SUMF1: variants seen among roughly 807,000 people sequenced by gnomAD.
The protein encoded by SUMF1 is formylglycine-generating enzyme.
A neutral mutation model predicts 47.6 loss-of-function variants in SUMF1; 48 were observed. The ratio of observed to expected loss-of-function variants is 1.01; its 90% confidence interval spans 0.80 to 1.28. SUMF1 has a LOEUF of 1.28. SUMF1 is among the 50% of genes most tolerant of loss of function. The pLI is 0.00. For missense variants in SUMF1, 571 were observed against 485.4 expected, an observed-to-expected ratio of 1.18 and a Z score of -1.66; for synonymous variants, 230 against 192.1, an observed-to-expected ratio of 1.20 and a Z score of -1.63.
At chr3:4,210,635 T>A (rs1695759397) in intron 8 of SUMF1, among the ~76,000 whole-genome samples, 1 of 152,088 alleles carries the variant, frequency 6.6e-6, no homozygotes, top group Non-Finnish European at 1.5e-5. Flanking sequence ...ACTTTTAAGT[T>A]CAGGGGTATA....
chr3:4,137,478 G>A (rs560519367), intron 8 of SUMF1, among the ~76,000 whole-genome samples: 2 of 151,704 alleles, frequency 1.3e-5, no homozygotes, highest in Admixed American at 6.6e-5. Context: ...GTTGTGGGGT[G>A]GGGGGAAGGG....
chr3:4,462,377 CCGA>C (rs1246095442), intron 1 of SUMF1, among the ~76,000 whole-genome samples: 6 of 152,166 alleles, frequency 3.9e-5, no homozygotes, highest in African/African-American at 1.4e-4. Context: ...GACAATGGAG[CCGA>C]CTATGCAGAA....
chr3:4,396,467 C>T (rs1006655322), intron 7 of SUMF1, among the ~76,000 whole-genome samples: 2 of 152,162 alleles, frequency 1.3e-5, no homozygotes, highest in South Asian at 2.1e-4. Flanking sequence ...CGGGACCTAC[C>T]GCACAGGCCA....
chr3:4,244,824 T>A (rs980566606), intron 8 of SUMF1, among the ~76,000 whole-genome samples: 2 of 152,154 alleles, frequency 1.3e-5, no homozygotes, highest in Non-Finnish European at 2.9e-5. Context: ...TTCTCCTGGA[T>A]AATATCCTGA....
At chr3:4,313,880 T>C (rs763277172) in intron 8 of SUMF1, 81 of 1,519,286 alleles carry the variant, frequency 5.3e-5, no homozygotes, top group Non-Finnish European at 6.4e-5. Flanking sequence ...AGACTGCAAG[T>C]TGTCCATCAG....
At chr3:4,313,675 A>T (rs1422713665) in intron 8 of SUMF1, 1 of 1,614,002 alleles carries the variant, frequency 6.2e-7, no homozygotes, top group Non-Finnish European at 8.5e-7. Context: ...AGAAAAGTCG[A>T]ACATCAGTTG....
chr3:4,272,913 A>T (rs1020296198), intron 8 of SUMF1, among the ~76,000 whole-genome samples: 2 of 152,032 alleles, frequency 1.3e-5, no homozygotes, highest in Non-Finnish European at 2.9e-5. Context: ...ATCTCTACAG[A>T]AAAGTTTAAA....
Position 4,259,900 on chromosome 3 carries a change from A to G in SUMF1, c.1014+116430T>C, listed in dbSNP as rs77227554. ...ATTTGTTTAAATTTTTTTTTAACCA[A>G]CGGAGATAATATTGACTTCCTCAAC... On this transcript the variant is annotated intron_variant and NMD_transcript_variant, in intron 8 of 12. Transcript: ENST00000448413. Among the ~76,000 whole-genome samples the G allele has an allele frequency of 2.1e-3, 320 of 152,234 alleles. 1 individual carries two copies. In the East Asian group the frequency reaches 0.023, roughly 11 times the overall value.
intron 9 of SUMF1, among the ~76,000 whole-genome samples, chr3:4,065,227 T>C (rs1446350731): frequency 7.3e-6 from 1 of 136,124 alleles, no homozygotes; most frequent in East Asian, 1.9e-4. Context: ...GCTTTTTTGC[T>C]TTTTTTTTCT....
intron 8 of SUMF1, among the ~76,000 whole-genome samples, chr3:4,286,750 C>A (rs899199533): frequency 6.6e-6 from 1 of 152,040 alleles, no homozygotes. Flanking sequence ...CATTAAGATC[C>A]ATCATAACAC....
intron 6 of SUMF1, among the ~76,000 whole-genome samples, chr3:4,412,481 G>A (rs1472331763): frequency 6.6e-6 from 1 of 152,208 alleles, no homozygotes; most frequent in Non-Finnish European, 1.5e-5. Context: ...ATTTGGAGAT[G>A]ATCAAAAAGA....
chr3:4,155,401 C>G (rs80068607), intron 8 of SUMF1, among the ~76,000 whole-genome samples: 1,911 of 151,674 alleles, frequency 0.013, 118 homozygotes, highest in African/African-American at 0.045. Context: ...ATGCTACGTA[C>G]TTGCTTTTCC....
At chr3:4,394,691 T>C (rs1700985309) in intron 7 of SUMF1, among the ~76,000 whole-genome samples, 1 of 152,108 alleles carries the variant, frequency 6.6e-6, no homozygotes, top group Non-Finnish European at 1.5e-5. Flanking sequence ...AGAGTAGCAA[T>C]AGCCATAGTG....
At chr3:4,099,353 C>G (rs1436142739) in intron 8 of SUMF1, among the ~76,000 whole-genome samples, 2 of 152,028 alleles carry the variant, frequency 1.3e-5, no homozygotes, top group African/African-American at 4.8e-5. Context: ...GAGTGAAGGA[C>G]AAAAACCATA....
intron 8 of SUMF1, among the ~76,000 whole-genome samples, chr3:4,207,598 T>C (rs1695680995): frequency 1.3e-5 from 2 of 152,190 alleles, no homozygotes; most frequent in Non-Finnish European, 1.5e-5. Context: ...ATTAAGATGA[T>C]GTATTACACT....
intron 8 of SUMF1, among the ~76,000 whole-genome samples, chr3:4,146,617 T>C (rs910589745): frequency 2.0e-5 from 3 of 152,078 alleles, no homozygotes; most frequent in Admixed American, 1.3e-4. Flanking sequence ...ACATGTGCCA[T>C]GTTGGTGTGC....
chr3:4,368,601 T>C (rs1258422802), intron 8 of SUMF1, among the ~76,000 whole-genome samples: 2 of 152,086 alleles, frequency 1.3e-5, no homozygotes, highest in Non-Finnish European at 2.9e-5. Context: ...TGTCCAACCA[T>C]GACAGACTGG....
rs1339567740 is a variant in SUMF1 at position 4,173,845 on chromosome 3, C to G, written c.1015-105100G>C. Among the ~76,000 whole-genome samples, 2 of 151,998 alleles carry G rather than the reference C, an allele frequency of 1.3e-5. 1 individual carries two copies. The highest frequency in any genetic ancestry group is 2.9e-5 in the Non-Finnish European group (2 of 68,002). ...GTTGAACAATAAGAACACATGGACA[C>G]AGGGAGGGGAACATCACACACGAGG... is the stretch of plus-strand genomic sequence containing the variant. On this transcript the variant is annotated intron_variant and NMD_transcript_variant, in intron 8 of 12. Transcript: ENST00000448413.
chr3:4,340,730 G>A (rs1699255019), intron 8 of SUMF1, among the ~76,000 whole-genome samples: 1 of 152,206 alleles, frequency 6.6e-6, no homozygotes. Flanking sequence ...TGTCGGGGAA[G>A]AGAGATCGTG....
Sources: gnomAD v4.1 joint callset for allele counts (sites outside exome capture counted in the v4.1 genomes callset) on GRCh38, gnomAD v4.1.1 for gene constraint, MANE v1.5 for transcripts, NCBI Gene and HGNC (gene_info 2026-07-23, HGNC 2026-07-21) for gene names.